RORA: variants seen among roughly 807,000 people sequenced by gnomAD.
The protein encoded by RORA is nuclear receptor ROR-alpha.
In RORA, 7 loss-of-function variants were observed where a neutral mutation model predicts 69.5. The ratio of observed to expected loss-of-function variants is 0.10; its 90% CI spans 0.06 to 0.19. The LOEUF (loss-of-function observed/expected upper bound fraction) is 0.19. Among genes scored for constraint, RORA ranks in the 10% least tolerant of loss-of-function variants. The pLI is 1.00. For synonymous variants in RORA, 261 were observed against 240.8 expected, an observed-to-expected ratio of 1.08 and a Z score of -0.78; for missense variants, 457 against 663.0, an observed-to-expected ratio of 0.69 and a Z score of 3.41.
At position 60,553,513 on chromosome 15, in the gene RORA, A is replaced by G. The variant is rs190557666; in HGVS notation, c.197-21662T>C. On this transcript the variant is annotated intron_variant, in intron 2 of 10. Transcript: ENST00000335670. The stretch of plus-strand genomic sequence containing the variant: ...AATGGGCTAAGAGTCAGATGGTCTA[A>G]GTTCTAATTTTAGCTCTGCAACTAA... Among the ~76,000 whole-genome samples, 234 of 152,352 alleles carry G rather than the reference A, an allele frequency of 1.5e-3. 3 individuals are homozygous for G. Among genetic ancestry groups the G allele is most frequent in the African/African-American group, 5.3e-3 (220 of 41,584 alleles).
chr15:60,860,676 A>G (rs1485183790), intron 1 of RORA, among the ~76,000 whole-genome samples: 1 of 152,246 alleles, frequency 6.6e-6, no homozygotes, highest in Non-Finnish European at 1.5e-5. Flanking sequence ...TAATTGTGAC[A>G]CACTAAACAA....
At chr15:61,180,837 A>C (rs1335936486) in intron 1 of RORA, among the ~76,000 whole-genome samples, 1 of 152,180 alleles carries the variant, frequency 6.6e-6, no homozygotes, top group Non-Finnish European at 1.5e-5. Context: ...GGTGGCTCAC[A>C]CCTGTAATCC....
chr15:60,854,570 T>C (rs188600881), intron 1 of RORA, among the ~76,000 whole-genome samples: 2 of 152,292 alleles, frequency 1.3e-5, no homozygotes, highest in African/African-American at 4.8e-5. Flanking sequence ...AGCACACACA[T>C]GAACATATGG....
chr15:61,189,528 G>C (rs1488409460), intron 1 of RORA, among the ~76,000 whole-genome samples: 1 of 152,070 alleles, frequency 6.6e-6, no homozygotes, highest in African/African-American at 2.4e-5. Flanking sequence ...AAGAAGGAGG[G>C]CTGCAGCCTC....
chr15:60,968,166 G>A (rs894579411), intron 1 of RORA, among the ~76,000 whole-genome samples: 2 of 152,154 alleles, frequency 1.3e-5, no homozygotes, highest in African/African-American at 2.4e-5. Context: ...AGATCAGGAC[G>A]TAAACAGATA....
chr15:60,944,916 CA>C (rs1164779560), intron 1 of RORA, among the ~76,000 whole-genome samples: 7 of 152,200 alleles, frequency 4.6e-5, no homozygotes, highest in African/African-American at 1.7e-4. Flanking sequence ...GGCATAGCAC[CA>C]GGTGGAGCAT....
chr15:60,627,987 A>T (rs2069636609), intron 2 of RORA, among the ~76,000 whole-genome samples: 1 of 152,216 alleles, frequency 6.6e-6, no homozygotes, highest in African/African-American at 2.4e-5. Context: ...ATTTAAATAA[A>T]CTATTTTAGG....
intron 1 of RORA, among the ~76,000 whole-genome samples, chr15:60,886,362 C>T (rs1055959906): frequency 3.9e-5 from 6 of 152,138 alleles, no homozygotes; most frequent in African/African-American, 1.2e-4. Context: ...TCCCATCTCC[C>T]GGTCCTACAG....
At chr15:61,086,384 A>C (rs535519930) in intron 1 of RORA, among the ~76,000 whole-genome samples, 2 of 152,360 alleles carry the variant, frequency 1.3e-5, no homozygotes, top group East Asian at 3.9e-4. Context: ...TAACTGCGAT[A>C]GTTTATGCTA....
At chr15:60,801,759 G>C (rs573182268) in intron 1 of RORA, among the ~76,000 whole-genome samples, 1 of 152,182 alleles carries the variant, frequency 6.6e-6, no homozygotes, top group Non-Finnish European at 1.5e-5. Flanking sequence ...GGTTGTTCGT[G>C]GGCTTTTTAG....
chr15:60,866,324 C>G (rs1027477038), intron 1 of RORA, among the ~76,000 whole-genome samples: 2 of 152,156 alleles, frequency 1.3e-5, no homozygotes, highest in Non-Finnish European at 2.9e-5. Context: ...TTAGTTCACT[C>G]AACATAATGT....
intron 1 of RORA, among the ~76,000 whole-genome samples, chr15:60,718,905 T>C (rs1402317629): frequency 6.6e-6 from 1 of 152,192 alleles, no homozygotes; most frequent in Non-Finnish European, 1.5e-5. Flanking sequence ...GAGCTCTGTA[T>C]TACTACCTAG....
At chr15:60,799,113 C>T (rs1461381069) in intron 1 of RORA, among the ~76,000 whole-genome samples, 1 of 151,990 alleles carries the variant, frequency 6.6e-6, no homozygotes, top group African/African-American at 2.4e-5. Flanking sequence ...GGCCTCCGTG[C>T]CCTCGTGCTG....
chr15:61,055,286 C>T (rs916478745), intron 1 of RORA, among the ~76,000 whole-genome samples: 15 of 152,110 alleles, frequency 9.9e-5, no homozygotes, highest in South Asian at 2.1e-4. Flanking sequence ...TGGGTTTTAA[C>T]GTTTTTGAGG....
chr15:61,125,901 T>C (rs1382568962), intron 1 of RORA, among the ~76,000 whole-genome samples: 1 of 152,254 alleles, frequency 6.6e-6, no homozygotes, highest in East Asian at 1.9e-4. Context: ...CAGGATTGTA[T>C]TGCCACAGGA....
chr15:61,153,765 C>A (rs2079418018), intron 1 of RORA, among the ~76,000 whole-genome samples: 1 of 85,410 alleles, frequency 1.2e-5, no homozygotes. Flanking sequence ...TTGTGGGTTT[C>A]ATGCACAATT....
chr15:61,173,508 C>T (rs1042800613), intron 1 of RORA, among the ~76,000 whole-genome samples: 1 of 152,234 alleles, frequency 6.6e-6, no homozygotes, highest in African/African-American at 2.4e-5. Context: ...TCCTGGACCT[C>T]ACATTAGAAA....
intron 1 of RORA, among the ~76,000 whole-genome samples, chr15:60,958,286 A>G (rs1187971723): frequency 6.6e-6 from 1 of 152,176 alleles, no homozygotes; most frequent in Non-Finnish European, 1.5e-5. Context: ...TGGAGCATCA[A>G]ATTCCATTTC....
rs557085079 is a variant in RORA at position 61,004,882 on chromosome 15, T to TG, written c.166+224170dup. Among the ~76,000 whole-genome samples, 253 of 152,206 alleles carry TG rather than the reference T, an allele frequency of 1.7e-3. 1 individual carries two copies. Among genetic ancestry groups the TG allele is most frequent in the African/African-American group, 6.0e-3 (248 of 41,526 alleles). The stretch of plus-strand genomic sequence containing the variant: ...TTAAAACTTATCCAATTAGCAAAGA[T>TG]GAAAAAGAAAGATAATACCAATGTT... On this transcript the variant is annotated intron_variant, in intron 1 of 10. Coordinates refer to ENST00000335670, the MANE Select transcript of RORA (RefSeq NM_134261.3).
Sources: gnomAD v4.1 joint callset for allele counts (sites outside exome capture counted in the v4.1 genomes callset) on GRCh38, gnomAD v4.1.1 for gene constraint, MANE v1.5 for transcripts, NCBI Gene and HGNC (gene_info 2026-07-23, HGNC 2026-07-21) for gene names.